Variants in CNTRL observed in about 807,000 individuals in gnomAD.
CNTRL encodes the protein centriolin, also known as 110 kDa centrosomal protein.
Under a neutral mutation model 303.7 loss-of-function variants are expected in CNTRL, and 233 were observed. The ratio of observed to expected loss-of-function variants is 0.77; its 90% CI spans 0.69 to 0.86. The LOEUF is 0.86. Ranked by LOEUF, CNTRL falls within the 40% of genes least tolerant of loss-of-function variation. CNTRL has a pLI of 0.00. For missense variants in CNTRL, 2,524 were observed against 2,650.6 expected (o/e 0.95, Z 1.05); for synonymous variants, 900 against 922.2 (o/e 0.98, Z 0.44).
intron 35 of CNTRL, 103 bp from the exon 36 acceptor site, chr9:121,166,004 G>A (rs2131825547): frequency 3.8e-6 from 3 of 799,266 alleles, no homozygotes; most frequent in South Asian, 3.1e-5. Context: ...CATGTAACAG[G>A]AGTAAGCTTA....
intron 12 of CNTRL, chr9:121,121,996 A>T (rs2063768104): frequency 1.1e-6 from 1 of 886,446 alleles, no homozygotes; most frequent in African/African-American, 1.8e-5. Context: ...TAAAAGGAGG[A>T]GGAGTCAGAG....
intron 12 of CNTRL, chr9:121,121,772 T>A (rs2050238512): frequency 1.0e-6 from 1 of 985,402 alleles, no homozygotes; most frequent in Non-Finnish European, 1.2e-6. Context: ...CGCCGCTCAC[T>A]CTTGGCCAAG....
At chr9:121,089,484 A>T (rs2048472971) in intron 3 of CNTRL, among the ~76,000 whole-genome samples, 1 of 152,210 alleles carries the variant, frequency 6.6e-6, no homozygotes, top group Non-Finnish European at 1.5e-5. Flanking sequence ...CTTTGACAAC[A>T]ATATCCAGGA....
chr9:121,086,703 C>T (rs1385144471), intron 2 of CNTRL, among the ~76,000 whole-genome samples: 5 of 148,422 alleles, frequency 3.4e-5, no homozygotes, highest in South Asian at 2.1e-4. Flanking sequence ...TGCAGTGGCG[C>T]GATCTAGGCT....
chr9:121,081,064 C>A (rs1318520252), intron 2 of CNTRL, among the ~76,000 whole-genome samples: 1 of 152,186 alleles, frequency 6.6e-6, no homozygotes, highest in Admixed American at 6.5e-5. Context: ...CTCAGCAACA[C>A]CTACCTCTCC....
At chr9:121,096,882 A>G (rs536894601) in intron 6 of CNTRL, among the ~76,000 whole-genome samples, 5 of 152,136 alleles carry the variant, frequency 3.3e-5, no homozygotes, top group Non-Finnish European at 7.4e-5. Context: ...AGTAGCAAGT[A>G]AGGTCTAGGA....
chr9:121,143,633 A>G (rs2051656471), intron 19 of CNTRL, among the ~76,000 whole-genome samples: 1 of 152,244 alleles, frequency 6.6e-6, no homozygotes, highest in South Asian at 2.1e-4. Context: ...AGGCAGGTTC[A>G]TCCATGCCGT....
At position 121,177,184 on chromosome 9, in the gene CNTRL, T is replaced by A; in HGVS notation, c.6976T>A (p.Ter2326ArgextTer21). ...QNQEKNASAR[*>R] is the part of the protein sequence containing the mutation. ...GTAGGAAAAGAATGCCTCAGCCAGA[T>A]GAGGAATACTGTCTTGTGTAAATAT... Residue 2326 changes from the stop codon to arginine (R), a stop_lost, in exon 44 of 44, where the codon TGA becomes AGA. Coordinates refer to ENST00000373855, the MANE Select transcript of CNTRL (RefSeq NM_007018.6). The A allele has an allele frequency of 1.2e-6, 2 of 1,610,232 alleles. No individual in the cohort carries two copies. Among genetic ancestry groups the A allele is most frequent in the Non-Finnish European group, 1.7e-6 (2 of 1,177,044 alleles).
At chr9:121,171,675 A>T in intron 40 of CNTRL, 127 bp downstream of exon 40, 1 of 975,068 alleles carries the variant, frequency 1.0e-6, no homozygotes, top group Non-Finnish European at 1.4e-6. Context: ...AATGTTCTTT[A>T]AGTCAAATCT....
intron 11 of CNTRL, among the ~76,000 whole-genome samples, chr9:121,116,211 G>A (rs2049968396): frequency 6.6e-6 from 1 of 152,138 alleles, no homozygotes; most frequent in Non-Finnish European, 1.5e-5. Flanking sequence ...AGGATGAGAA[G>A]GAGCCAGTGA....
In CNTRL at chr9:121,164,962, G is replaced by T; in HGVS notation, c.5443G>T (p.Glu1815Ter). 6.2e-7 allele frequency: 1 copy of T among 1,612,198 alleles called. No homozygotes were observed. Among genetic ancestry groups the T allele is most frequent in the Non-Finnish European group, 8.5e-7 (1 of 1,179,424 alleles). ...TGGTAGGGTTTTAGCAGCAGCAGAA[G>T]AAAATAGCAAAATGGAGCAATCAAA... ...QTKRVLAAAEENSKMEQSNLE... is the reference protein window; with the variant it reads ...QTKRVLAAAE Residue 1815 changes from glutamate to a stop codon, truncating the protein, a stop_gained, in exon 35 of 44, where the codon GAA becomes TAA. Coordinates refer to ENST00000373855, the MANE Select transcript of CNTRL (RefSeq NM_007018.6). LOFTEE classifies it high-confidence loss of function.
intron 7 of CNTRL, among the ~76,000 whole-genome samples, chr9:121,099,724 A>G (rs1458595275): frequency 6.6e-6 from 1 of 152,238 alleles, no homozygotes; most frequent in Non-Finnish European, 1.5e-5. Context: ...ATGACCTGAC[A>G]GAGCTGAAAA....
chr9:121,146,276 G>C lies in CNTRL; in HGVS notation c.3459+20G>C, dbSNP rs1181128906. On this transcript the variant is annotated intron_variant, in intron 23 of 43. Transcript: ENST00000373855. ...TCAAAAGTAGGAATTCTGTGGTGTTGGGAATGTATACTGAATTTTCTTGAA... is the reference window on the plus strand; with the variant it reads ...TCAAAAGTAGGAATTCTGTGGTGTTCGGAATGTATACTGAATTTTCTTGAA... 2 of 1,593,726 alleles carry C rather than the reference G, an allele frequency of 1.3e-6. No homozygotes were observed. The highest frequency in any genetic ancestry group is 2.3e-5 in the South Asian group (2 of 86,632).
chr9:121,145,615 G>A (rs1010595202), intron 22 of CNTRL, among the ~76,000 whole-genome samples: 2 of 152,126 alleles, frequency 1.3e-5, no homozygotes, highest in African/African-American at 4.8e-5. Flanking sequence ...GTATTTGTGG[G>A]CGAGCACAGT....
intron 32 of CNTRL, chr9:121,161,644 G>C (rs2131753613): frequency 4.1e-6 from 2 of 493,456 alleles, no homozygotes; most frequent in African/African-American, 2.0e-5. Context: ...TGCTGCACCT[G>C]GCTTGTTAAA....
At position 121,162,187 on chromosome 9, in the gene CNTRL, C is replaced by A. The variant is rs141386604; in HGVS notation, c.5339C>A (p.Ser1780Ter). Residue 1780 changes from serine (S) to a stop codon, truncating the protein, a stop_gained, in exon 34 of 44, where the codon TCG becomes TAG. Coordinates refer to ENST00000373855, the MANE Select transcript of CNTRL (RefSeq NM_007018.6). LOFTEE classifies it high-confidence loss of function. Reference protein sequence around the residue: ...RMTAESRALQSCVECLSKEKE... With the variant: ...RMTAESRALQ ...ACTGCTGAGTCCCGAGCTTTACAAT[C>A]GTGTGTTGAGTGTTTGAGCAAAGAA... 3 of 1,614,036 alleles carry A rather than the reference C, an allele frequency of 1.9e-6. No individual in the cohort carries two copies. The highest frequency in any genetic ancestry group is 2.7e-5 in the African/African-American group (2 of 75,010).
At chr9:121,174,946 T>C in intron 42 of CNTRL, 72 bp from the exon 43 acceptor site, 1 of 1,348,004 alleles carries the variant, frequency 7.4e-7, no homozygotes, top group Non-Finnish European at 1.1e-6. Flanking sequence ...ATCAAATGTA[T>C]GTGAGGAAGC....
intron 12 of CNTRL, among the ~76,000 whole-genome samples, chr9:121,122,836 G>A (rs895996112): frequency 1.3e-5 from 2 of 152,090 alleles, no homozygotes; most frequent in Non-Finnish European, 2.9e-5. Context: ...GGTGCGGGAG[G>A]GTGTGTGGGT....
At chr9:121,087,488 C>T (rs979813143) in intron 2 of CNTRL, among the ~76,000 whole-genome samples, 3 of 152,022 alleles carry the variant, frequency 2.0e-5, no homozygotes, top group Non-Finnish European at 2.9e-5. Context: ...GTCAGGAGTT[C>T]GAGATCAGCC....
Sources: allele counts gnomAD v4.1 joint callset (sites outside exome capture counted in the v4.1 genomes callset), GRCh38; gene constraint gnomAD v4.1.1; transcripts MANE v1.5; gene names NCBI Gene and HGNC (gene_info 2026-07-23, HGNC 2026-07-21).